Variants in PSKH2 observed in about 807,000 individuals in gnomAD.
PSKH2 encodes the protein serine/threonine-protein kinase H2.
Under a neutral mutation model 22.5 loss-of-function variants are expected in PSKH2, and 16 were observed. The observed-to-expected ratio is 0.71, with a 90% CI of 0.48 to 1.08. The LOEUF (loss-of-function observed/expected upper bound fraction) is 1.08. Among genes scored for constraint, PSKH2 ranks in the 50% least tolerant of loss-of-function variants. The pLI is 0.00. For missense variants in PSKH2, 516 were observed against 492.8 expected (o/e 1.05, Z -0.44); for synonymous variants, 188 against 184.8 (o/e 1.02, Z -0.14).
intron 2 of PSKH2, among the ~76,000 whole-genome samples, chr8:86,052,686 A>G (rs967164808): frequency 2.6e-4 from 40 of 152,212 alleles, no homozygotes; most frequent in African/African-American, 9.6e-4. Flanking sequence ...TAATTCTCAA[A>G]CCAATTCCAT....
intron 2 of PSKH2, among the ~76,000 whole-genome samples, chr8:86,056,156 G>A (rs1230789441): frequency 6.6e-6 from 1 of 151,802 alleles, no homozygotes; most frequent in Non-Finnish European, 1.5e-5. Context: ...TGAGCTGTGC[G>A]TGGCACATAC....
Position 86,048,777 on chromosome 8 carries a change from A to G in PSKH2, c.853-10T>C. On this transcript the variant is annotated splice_polypyrimidine_tract_variant and intron_variant, in intron 2 of 2. Transcript: ENST00000276616. Reference sequence around the variant, plus strand: ...AAATGCTTGGCCAAGGCTGAGAATAAAAATAAATAAGTTAGAATAAAATAA... The same window carrying G: ...AAATGCTTGGCCAAGGCTGAGAATAGAAATAAATAAGTTAGAATAAAATAA... 1 of 1,581,060 alleles carries G rather than the reference A, an allele frequency of 6.3e-7. No homozygotes were observed. The highest frequency in any genetic ancestry group is 8.6e-7 in the Non-Finnish European group (1 of 1,160,962).
chr8:86,049,714 GAA>G (rs1817590228), intron 2 of PSKH2, among the ~76,000 whole-genome samples: 1 of 62,340 alleles, frequency 1.6e-5, no homozygotes, highest in Non-Finnish European at 3.1e-5. Flanking sequence ...AAGAAAGAAA[GAA>G]AGAAAGAAAG....
intron 2 of PSKH2, among the ~76,000 whole-genome samples, chr8:86,062,632 GTC>G (rs35920829): frequency 0.12 from 18,969 of 152,140 alleles, 1,500 homozygotes; most frequent in Non-Finnish European, 0.18. Flanking sequence ...GTGTGAGAAG[GTC>G]CAAGCTTGCT....
intron 2 of PSKH2, among the ~76,000 whole-genome samples, chr8:86,062,469 C>T (rs1273554724): frequency 1.3e-5 from 2 of 151,988 alleles, no homozygotes; most frequent in Non-Finnish European, 2.9e-5. Context: ...AATTGTAATC[C>T]CTGTAGTCCC....
intron 2 of PSKH2, among the ~76,000 whole-genome samples, chr8:86,049,075 G>A (rs974200313): frequency 2.6e-5 from 4 of 152,082 alleles, no homozygotes; most frequent in African/African-American, 4.8e-5. Context: ...TTATCAATAC[G>A]AGTTCCCATA....
In PSKH2 at chr8:86,048,487, TCTA is replaced by T; in HGVS notation, c.1130_1132del (p.Val377del). 1.2e-6 allele frequency: 2 copies of T among 1,612,548 alleles called. No individual in the cohort carries two copies. The highest frequency in any genetic ancestry group is 1.7e-6 in the Non-Finnish European group (2 of 1,178,614). ...TTACAAAAGCGCAGACAGTGGCGAT[TCTA>T]CTATCCTTAAGTTTCTCTTGCTCCA... On this transcript the variant is annotated inframe_deletion, in exon 3 of 3. Coordinates refer to ENST00000276616, the MANE Select transcript of PSKH2 (RefSeq NM_033126.3).
chr8:86,063,676 C>A (rs368385883), intron 2 of PSKH2, among the ~76,000 whole-genome samples: 46 of 152,326 alleles, frequency 3.0e-4, no homozygotes, highest in African/African-American at 8.9e-4. Flanking sequence ...CATGTGCTAA[C>A]CACAGGCAGC....
rs16879427 is a variant in PSKH2 at position 86,064,422 on chromosome 8, T to C, written c.395A>G (p.Gln132Arg). The part of the protein sequence containing the change: ...QLMEIFETED[Q>R]VYMVMELATG... ...AGCCAGCTCCATTACCATGTAAACT[T>C]GATCCTCAGTCTCAAAGATCTCCAT... The change falls in exon 2 of 3, where the codon CAA (glutamine) becomes CGA (arginine). Residue 132 changes from glutamine to arginine, a missense_variant. Transcript: ENST00000276616. The C allele has an allele frequency of 0.017, 28,092 of 1,614,036 alleles. 3,763 individuals carry two copies. In the African/African-American group the frequency reaches 0.31, roughly 18 times the overall value.
At chr8:86,054,987 G>A (rs1023378791) in intron 2 of PSKH2, among the ~76,000 whole-genome samples, 3 of 151,986 alleles carry the variant, frequency 2.0e-5, no homozygotes, top group Non-Finnish European at 2.9e-5. Context: ...CAAAATAAAT[G>A]GGTTGGCCTT....
chr8:86,069,444 A>G lies in PSKH2; in HGVS notation c.179T>C (p.Leu60Pro). 1 of 1,585,070 alleles carries G rather than the reference A, an allele frequency of 6.3e-7. No individual in the cohort carries two copies. The highest frequency in any genetic ancestry group is 1.4e-5 in the African/African-American group (1 of 73,454). ...RFRAKFDPRVLARYDIKALIG... is the reference protein window; with the variant it reads ...RFRAKFDPRVPARYDIKALIG... Reference sequence around the variant, plus strand: ...TCCTCACGTGGCGCTTTACCTGGCAAGGACCCGGGGGTCGAACTTGGCTCG... The same window carrying G: ...TCCTCACGTGGCGCTTTACCTGGCAGGGACCCGGGGGTCGAACTTGGCTCG... Residue 60 changes from leucine to proline, a missense_variant, in exon 1 of 3, where the codon CTT becomes CCT. Transcript: ENST00000276616.
At chr8:86,069,795 G>T (rs1310837216), upstream of PSKH2, 6 of 675,178 alleles carry the variant, frequency 8.9e-6, no homozygotes, top group Admixed American at 3.7e-5. Context: ...CGACCGAGAC[G>T]CCTGGATCAT....
chr8:86,063,966 T>C lies in PSKH2; in HGVS notation c.851A>G (p.Glu284Gly). 1.9e-6 allele frequency: 3 copies of C among 1,605,954 alleles called. No homozygotes were observed. The highest frequency in any genetic ancestry group is 2.6e-6 in the Non-Finnish European group (3 of 1,175,490). The part of the protein sequence containing the change: ...ILKGKYNYTG[E>G]PWPSISHLAK... ...AGAAATAAAATAATGCTCTCTTACC[T>C]CTCCTGTATAATTATATTTGCCTTT... is the stretch of plus-strand genomic sequence containing the variant. The change falls in exon 2 of 3, where the codon GAG (glutamate) becomes GGG (glycine). Residue 284 changes from glutamate (E) to glycine (G), a missense_variant and splice_region_variant. Physicochemically the swap from Glu to Gly is moderately conservative, Grantham distance 98. Coordinates refer to ENST00000276616, the MANE Select transcript of PSKH2 (RefSeq NM_033126.3).
rs1817551937 is a variant in PSKH2, at chr8:86,048,007, C to T, written c.*455G>A. On this transcript the variant is annotated 3_prime_UTR_variant, in exon 3 of 3. Coordinates refer to ENST00000276616, the MANE Select transcript of PSKH2 (RefSeq NM_033126.3). ...ATTTGCAGACTAAATATGAAATTAA[C>T]AGACATTTATAACTACTTCGAGTGT... 6.6e-6 allele frequency among the ~76,000 whole-genome samples: 1 copy of T among 152,004 alleles called. No homozygotes were observed. The highest frequency in any genetic ancestry group is 1.5e-5 in the Non-Finnish European group (1 of 67,986).
At chr8:86,056,956 G>A (rs946609219) in intron 2 of PSKH2, among the ~76,000 whole-genome samples, 1 of 149,588 alleles carries the variant, frequency 6.7e-6, no homozygotes, top group Non-Finnish European at 1.5e-5. Context: ...TGCTTAGAGA[G>A]AAGGTCTCAC....
chr8:86,064,315 C>T lies in PSKH2; in HGVS notation c.502G>A (p.Ala168Thr), dbSNP rs1397017121. Residue 168 changes from alanine to threonine, a missense_variant, in exon 2 of 3, where the codon GCT becomes ACT. Ala to Thr is a moderately conservative substitution (Grantham distance 58, BLOSUM62 0). Coordinates refer to ENST00000276616, the MANE Select transcript of PSKH2 (RefSeq NM_033126.3). The part of the protein sequence containing the change: ...RDAVRILQMV[A>T]DGIRYLHALQ... ...GCATGCAAATACCTAATCCCATCAGCAACCATCTGGAGGATCCTGACGGCA... is the reference window on the plus strand; with the variant it reads ...GCATGCAAATACCTAATCCCATCAGTAACCATCTGGAGGATCCTGACGGCA... 6.2e-7 allele frequency: 1 copy of T among 1,614,016 alleles called. No individual in the cohort carries two copies. The highest frequency in any genetic ancestry group is 1.3e-5 in the African/African-American group (1 of 74,912).
intron 2 of PSKH2, among the ~76,000 whole-genome samples, chr8:86,059,799 C>T (rs1349682247): frequency 6.6e-6 from 1 of 152,126 alleles, no homozygotes; most frequent in Non-Finnish European, 1.5e-5. Context: ...CCAGACTTGA[C>T]GATATGGGAA....
chr8:86,047,964 T>A lies in PSKH2; in HGVS notation c.*498A>T, dbSNP rs182164906. 6.6e-6 allele frequency among the ~76,000 whole-genome samples: 1 copy of A among 152,266 alleles called. No homozygotes were observed. The stretch of plus-strand genomic sequence containing the variant: ...TATAGTTCTTTATAGGCCCCATAAT[T>A]AATAATTTTTCATAAATATTTGCAG... On this transcript the variant is annotated 3_prime_UTR_variant, in exon 3 of 3. Transcript: ENST00000276616.
At chr8:86,053,176 G>A (rs1050261819) in intron 2 of PSKH2, among the ~76,000 whole-genome samples, 19 of 151,954 alleles carry the variant, frequency 1.3e-4, no homozygotes, top group East Asian at 1.9e-4. Flanking sequence ...GGCTCTCCTC[G>A]CACAACACAG....
Sources: gnomAD v4.1 joint callset for allele counts (sites outside exome capture counted in the v4.1 genomes callset) on GRCh38, gnomAD v4.1.1 for gene constraint, MANE v1.5 for transcripts, NCBI Gene and HGNC (gene_info 2026-07-23, HGNC 2026-07-21) for gene names.